SH3BGRL: variants seen among roughly 807,000 people sequenced by gnomAD.
The protein encoded by SH3BGRL is SH3 domain binding glutamate rich protein like.
SH3BGRL carries 7 observed loss-of-function variants against 9.8 expected under a neutral mutation model. The ratio of observed to expected loss-of-function variants is 0.72; its 90% CI spans 0.41 to 1.35. The LOEUF (loss-of-function observed/expected upper bound fraction) is 1.35. SH3BGRL is among the 40% of genes most tolerant of loss of function. The probability of loss-of-function intolerance (pLI) is 0.01; values close to 1 mark genes in which losing one functional copy is unlikely to be tolerated. For synonymous variants in SH3BGRL, 36 were observed against 29.1 expected, an observed-to-expected ratio of 1.24 and a Z score of -0.76; for missense variants, 73 against 84.4, an observed-to-expected ratio of 0.86 and a Z score of 0.53.
chrX:81,224,353 C>A (rs752128689), intron 1 of SH3BGRL, among the ~76,000 whole-genome samples: 2 of 111,555 alleles, frequency 1.8e-5, no homozygotes, highest in African/African-American at 3.3e-5. Flanking sequence ...CATTCCCCAA[C>A]CCCAGTCACC....
intron 1 of SH3BGRL, chrX:81,237,249 C>T (rs911532242): frequency 3.5e-5 from 12 of 340,065 alleles, no homozygotes; most frequent in Non-Finnish European, 6.1e-5. Context: ...TACATGCACA[C>T]ACACAAAACC....
At chrX:81,266,307 T>C (rs1321014826) in intron 1 of SH3BGRL, among the ~76,000 whole-genome samples, 2 of 112,059 alleles carry the variant, frequency 1.8e-5, no homozygotes, top group Admixed American at 9.5e-5. Flanking sequence ...GCCCAGGTTT[T>C]CTTCTAGGAT....
chrX:81,221,269 A>AT (rs1454170014), intron 1 of SH3BGRL, among the ~76,000 whole-genome samples: 1 of 111,360 alleles, frequency 9.0e-6, no homozygotes, highest in African/African-American at 3.3e-5. Flanking sequence ...AGCTCTAATA[A>AT]TTTTTGCCTT....
intron 1 of SH3BGRL, among the ~76,000 whole-genome samples, chrX:81,211,455 C>T (rs953494464): frequency 1.4e-4 from 16 of 110,883 alleles, no homozygotes; most frequent in East Asian, 1.1e-3. Flanking sequence ...GGCGTGGTGG[C>T]GGGCGCCTGT....
chrX:81,219,631 G>T (rs1323243427), intron 1 of SH3BGRL, among the ~76,000 whole-genome samples: 1 of 111,487 alleles, frequency 9.0e-6, no homozygotes, highest in African/African-American at 3.2e-5. Flanking sequence ...TTGTCTGATT[G>T]CTCTAGCTAG....
intron 1 of SH3BGRL, among the ~76,000 whole-genome samples, chrX:81,208,734 G>T (rs957388346): frequency 9.0e-6 from 1 of 111,499 alleles, no homozygotes; most frequent in Non-Finnish European, 1.9e-5. Context: ...CATTTATGAT[G>T]ACTGTTTTCA....
At chrX:81,249,346 A>G (rs756798987) in intron 1 of SH3BGRL, among the ~76,000 whole-genome samples, 9 of 112,362 alleles carry the variant, frequency 8.0e-5, no homozygotes, top group African/African-American at 2.9e-4. Context: ...TTTACAACTT[A>G]TAACTTCCAC....
intron 1 of SH3BGRL, among the ~76,000 whole-genome samples, chrX:81,214,511 T>C (rs2075575519): frequency 8.9e-6 from 1 of 112,204 alleles, no homozygotes; most frequent in African/African-American, 3.2e-5. Context: ...CAGATCATTG[T>C]TGATTCTTTA....
At chrX:81,250,250 A>G (rs998015121) in intron 1 of SH3BGRL, among the ~76,000 whole-genome samples, 3 of 108,769 alleles carry the variant, frequency 2.8e-5, no homozygotes, top group African/African-American at 1.0e-4. Flanking sequence ...AATACAAAAA[A>G]TTAGCCGGGC....
chrX:81,217,222 A>G (rs2075584029), intron 1 of SH3BGRL, among the ~76,000 whole-genome samples: 1 of 110,907 alleles, frequency 9.0e-6, no homozygotes, highest in South Asian at 3.7e-4. Flanking sequence ...TCAAAAAACC[A>G]GCTTTTTGTT....
intron 1 of SH3BGRL, among the ~76,000 whole-genome samples, chrX:81,245,368 T>A (rs1000493438): frequency 1.8e-5 from 2 of 111,742 alleles, no homozygotes. Context: ...GAAAGTGTAT[T>A]TTTTCACATT....
chrX:81,289,568 T>C (rs978543204), intron 3 of SH3BGRL, among the ~76,000 whole-genome samples: 1 of 110,924 alleles, frequency 9.0e-6, no homozygotes, highest in Non-Finnish European at 1.9e-5. Context: ...CTCAAACCAC[T>C]CTATAGGGGC....
intron 1 of SH3BGRL, among the ~76,000 whole-genome samples, chrX:81,274,973 G>T (rs147751259): frequency 8.5e-4 from 94 of 110,960 alleles, no homozygotes; most frequent in African/African-American, 3.0e-3. Flanking sequence ...CAATCTCAGG[G>T]CATGGGAGAA....
intron 1 of SH3BGRL, among the ~76,000 whole-genome samples, chrX:81,246,735 G>C (rs2075690607): frequency 9.0e-6 from 1 of 111,150 alleles, no homozygotes; most frequent in East Asian, 2.8e-4. Context: ...TTTGAAGTCA[G>C]ATAATGCGAC....
intron 1 of SH3BGRL, among the ~76,000 whole-genome samples, chrX:81,276,391 A>C (rs1013478549): frequency 7.3e-5 from 8 of 110,074 alleles, no homozygotes; most frequent in Admixed American, 6.7e-4. Flanking sequence ...AAGATACCTT[A>C]GCAGCACATG....
chrX:81,290,571 A>T (rs1369090436), intron 3 of SH3BGRL, among the ~76,000 whole-genome samples: 1 of 110,961 alleles, frequency 9.0e-6, no homozygotes, highest in Non-Finnish European at 1.9e-5. Context: ...TGGTTACCAG[A>T]GGTTGAGAAA....
chrX:81,246,780 A>G (rs1374167574), intron 1 of SH3BGRL, among the ~76,000 whole-genome samples: 4 of 111,441 alleles, frequency 3.6e-5, no homozygotes, highest in Non-Finnish European at 3.8e-5. Context: ...TAGGATTTCT[A>G]GGGCTATTTG....
chrX:81,246,649 T>C (rs1370356221), intron 1 of SH3BGRL, among the ~76,000 whole-genome samples: 1 of 111,441 alleles, frequency 9.0e-6, no homozygotes, highest in Non-Finnish European at 1.9e-5. Context: ...TTCTCTATTT[T>C]TTTTTTATCT....
chrX:81,224,343 CA>C (rs2075609977), intron 1 of SH3BGRL, among the ~76,000 whole-genome samples: 1 of 111,447 alleles, frequency 9.0e-6, no homozygotes, highest in Admixed American at 9.5e-5. Flanking sequence ...TGTTTCATCC[CA>C]TTCCCCAACC....
Sources: allele counts gnomAD v4.1 joint callset (sites outside exome capture counted in the v4.1 genomes callset), GRCh38; gene constraint gnomAD v4.1.1; transcripts MANE v1.5; gene names NCBI Gene and HGNC (gene_info 2026-07-23, HGNC 2026-07-21).